CACNA1D: variants seen among roughly 807,000 people sequenced by gnomAD.
The protein encoded by CACNA1D is calcium voltage-gated channel subunit alpha1 D.
In CACNA1D, 55 loss-of-function variants were observed where a neutral mutation model predicts 257.1. The observed-to-expected ratio is 0.21, with a 90% CI of 0.17 to 0.27. CACNA1D has a LOEUF of 0.27. Among genes scored for constraint, CACNA1D ranks in the 10% least tolerant of loss-of-function variants. The pLI is 1.00. For missense variants in CACNA1D, 1,876 were observed against 2,784.0 expected, an observed-to-expected ratio of 0.67 and a Z score of 7.34; for synonymous variants, 980 against 1,014.9, an observed-to-expected ratio of 0.97 and a Z score of 0.65.
At chr3:53,576,736 A>G (rs1264170353) in intron 3 of CACNA1D, among the ~76,000 whole-genome samples, 6 of 152,228 alleles carry the variant, frequency 3.9e-5, no homozygotes, top group Non-Finnish European at 8.8e-5. Context: ...CATCTGGTGG[A>G]ACGTGGCGGG....
intron 3 of CACNA1D, among the ~76,000 whole-genome samples, chr3:53,631,340 C>T (rs1317457223): frequency 6.6e-6 from 1 of 152,214 alleles, no homozygotes; most frequent in African/African-American, 2.4e-5. Context: ...CAGGAAACCA[C>T]TTTCTTTGCT....
intron 3 of CACNA1D, among the ~76,000 whole-genome samples, chr3:53,533,700 G>A (rs948383757): frequency 5.3e-5 from 8 of 152,182 alleles, no homozygotes; most frequent in Admixed American, 4.6e-4. Context: ...TATGGCCGTG[G>A]GCGCTGAGCA....
chr3:53,532,567 G>A (rs2091983582), intron 3 of CACNA1D, among the ~76,000 whole-genome samples: 1 of 152,196 alleles, frequency 6.6e-6, no homozygotes, highest in Non-Finnish European at 1.5e-5. Context: ...GCACTTTTTG[G>A]TGGTACTGGA....
chr3:53,674,037 G>A (rs777935985), intron 8 of CACNA1D: 3 of 619,604 alleles, frequency 4.8e-6, no homozygotes, highest in African/African-American at 3.7e-5. Context: ...TAATGAAAAC[G>A]TTCCCCCAAA....
rs141690109 is a variant in CACNA1D at position 53,634,627 on chromosome 3, A to G, written c.484-16152A>G. Among the ~76,000 whole-genome samples, 83 of 152,210 alleles carry G rather than the reference A, an allele frequency of 5.5e-4. 1 individual carries two copies. In the East Asian group the frequency reaches 0.012, roughly 22 times the overall value. On this transcript the variant is annotated intron_variant, in intron 3 of 47. Coordinates refer to ENST00000350061, the MANE Select transcript of CACNA1D (RefSeq NM_001128840.3). The stretch of plus-strand genomic sequence containing the variant: ...CTCCAGCCTTTGGTTTTTAAGAGGT[A>G]CCCCTGTGCGAGAGCTCGTGGAGGC...
Position 53,527,817 on chromosome 3 carries a change from A to G in CACNA1D, c.483+26097A>G, listed in dbSNP as rs923652138. Among the ~76,000 whole-genome samples, 43 of 152,210 alleles carry G rather than the reference A, an allele frequency of 2.8e-4. 1 individual carries two copies. Among genetic ancestry groups the G allele is most frequent in the African/African-American group, 1.2e-4 (5 of 41,454 alleles). ...TTGTTAGAGTATTATTAGTATTTTT[A>G]TAGGTCTTTTGGATAGCATTCTATT... On this transcript the variant is annotated intron_variant, in intron 3 of 47. Coordinates refer to ENST00000350061, the MANE Select transcript of CACNA1D (RefSeq NM_001128840.3).
Position 53,673,059 on chromosome 3 carries a change from T to C in CACNA1D, c.1153T>C (p.Tyr385His). 1 of 1,552,326 alleles carries C rather than the reference T, an allele frequency of 6.4e-7. No individual in the cohort carries two copies. ...TATGGGATTTGAATTGCCCTGGGTG[T>C]ATTTTGTCAGTCTCGTCATCTTTGG... is the stretch of plus-strand genomic sequence containing the variant. ...DAMGFELPWV[Y>H]FVSLVIFGSF... Residue 385 changes from tyrosine (Y) to histidine (H), a missense_variant, in exon 8 of 48, where the codon TAT becomes CAT. Physicochemically the swap from Tyr to His is moderately conservative, Grantham distance 83 (BLOSUM62 2). Transcript: ENST00000350061. This position sits in a 1 kb window ranked among gnomAD's most constrained non-coding sequence, Gnocchi z 4.1.
chr3:53,579,526 G>T (rs2093095068), intron 3 of CACNA1D, among the ~76,000 whole-genome samples: 1 of 152,160 alleles, frequency 6.6e-6, no homozygotes, highest in South Asian at 2.1e-4. Context: ...TGGCTATTTT[G>T]TCTCTTACAA....
chr3:53,600,065 G>C (rs1205172637), intron 3 of CACNA1D, among the ~76,000 whole-genome samples: 5 of 152,246 alleles, frequency 3.3e-5, no homozygotes, highest in Non-Finnish European at 7.3e-5. Flanking sequence ...GATGGCACCA[G>C]GGCCAGCTTG....
chr3:53,692,284 C>G (rs201628987), intron 8 of CACNA1D, among the ~76,000 whole-genome samples: 1 of 151,984 alleles, frequency 6.6e-6, no homozygotes, highest in African/African-American at 2.4e-5. Context: ...TCTGCAAAAG[C>G]GGAGTTCTAA....
intron 8 of CACNA1D, among the ~76,000 whole-genome samples, chr3:53,678,186 A>G (rs1341499119): frequency 6.6e-6 from 1 of 152,266 alleles, no homozygotes; most frequent in Non-Finnish European, 1.5e-5. Flanking sequence ...ATATTACTAC[A>G]TAAACCCCCT....
intron 3 of CACNA1D, among the ~76,000 whole-genome samples, chr3:53,615,034 G>A (rs1265452322): frequency 6.6e-6 from 1 of 152,200 alleles, no homozygotes; most frequent in Non-Finnish European, 1.5e-5. Context: ...ATTTAAATAA[G>A]ATGCAAAGAT....
chr3:53,711,117 A>G (rs2094749833), intron 9 of CACNA1D, among the ~76,000 whole-genome samples: 1 of 152,194 alleles, frequency 6.6e-6, no homozygotes, highest in Non-Finnish European at 1.5e-5. Flanking sequence ...GTGGTGGTGC[A>G]TGCCTATAGT....
At chr3:53,551,886 T>C (rs970437383) in intron 3 of CACNA1D, among the ~76,000 whole-genome samples, 5 of 152,220 alleles carry the variant, frequency 3.3e-5, no homozygotes, top group African/African-American at 1.2e-4. Context: ...CTTGGCTCCA[T>C]GGTGAATGGG....
intron 3 of CACNA1D, among the ~76,000 whole-genome samples, chr3:53,517,860 A>G (rs2091405678): frequency 6.6e-6 from 1 of 152,234 alleles, no homozygotes; most frequent in South Asian, 2.1e-4. Flanking sequence ...TGCTTGTGAC[A>G]TGCAAACTGC....
At chr3:53,650,968 G>T in intron 4 of CACNA1D, 50 bp downstream of exon 4, 2 of 1,479,392 alleles carry the variant, frequency 1.4e-6, no homozygotes, top group Non-Finnish European at 1.9e-6. Flanking sequence ...ATGGGAGGTG[G>T]AGGTTGGGGG....
In CACNA1D at chr3:53,800,758, C is replaced by T. The variant is rs2095532526; in HGVS notation, c.5041-300C>T. 2 of 521,662 alleles carry T rather than the reference C, an allele frequency of 3.8e-6. No individual in the cohort carries two copies. The highest frequency in any genetic ancestry group is 1.9e-5 in the African/African-American group (1 of 52,372). The allele number at this position is 521,662 out of a possible 1,614,324, so 32.3% of individuals were successfully genotyped here. A position where few individuals can be genotyped will look rare whatever the true frequency, so the allele number is the denominator to read the frequency against. On this transcript the variant is annotated intron_variant, in intron 41 of 47. Coordinates refer to ENST00000350061, the MANE Select transcript of CACNA1D (RefSeq NM_001128840.3). The surrounding 1 kb of genome is among the most constrained non-coding windows in gnomAD (Gnocchi z 4.3). ...CCAGAGAGCATGCCCAACCTTGGGG[C>T]CACCAGCCAGCCCAGCTGGGTATAA...
chr3:53,507,889 G>GA (rs1217033861), intron 3 of CACNA1D, among the ~76,000 whole-genome samples: 2 of 151,708 alleles, frequency 1.3e-5, no homozygotes, highest in South Asian at 2.1e-4. Flanking sequence ...TGGCTTAGCT[G>GA]AAAAAAAAGT....
chr3:53,535,791 A>G (rs1461507560), intron 3 of CACNA1D, among the ~76,000 whole-genome samples: 15 of 152,224 alleles, frequency 9.9e-5, no homozygotes, highest in Non-Finnish European at 2.9e-5. Context: ...GAAGAGAAAA[A>G]CTGCATTTTA....
Sources: gnomAD v4.1 joint callset for allele counts (sites outside exome capture counted in the v4.1 genomes callset) on GRCh38, gnomAD v4.1.1 for gene constraint, Gnocchi (gnomAD v3.1) non-coding constraint, MANE v1.5 for transcripts, NCBI Gene and HGNC (gene_info 2026-07-23, HGNC 2026-07-21) for gene names.